USP15: variants seen among roughly 807,000 people sequenced by gnomAD.
USP15 encodes the protein ubiquitin carboxyl-terminal hydrolase 15.
Under a neutral mutation model 127.1 loss-of-function variants are expected in USP15, and 18 were observed. The observed-to-expected ratio is 0.14, with a 90% confidence interval of 0.10 to 0.21. USP15 has a LOEUF of 0.21. Among genes scored for constraint, USP15 ranks in the 10% least tolerant of loss-of-function variants. The probability of loss-of-function intolerance (pLI) is 1.00; values close to 1 mark genes in which losing one functional copy is unlikely to be tolerated. For synonymous variants in USP15, 364 were observed against 393.7 expected, an observed-to-expected ratio of 0.92 and a Z score of 0.89; for missense variants, 805 against 1,159.9, an observed-to-expected ratio of 0.69 and a Z score of 4.44.
chr12:62,334,457 TA>T (rs1045089696), intron 6 of USP15, among the ~76,000 whole-genome samples: 1 of 152,194 alleles, frequency 6.6e-6, no homozygotes, highest in Non-Finnish European at 1.5e-5. Flanking sequence ...TAAATCTACT[TA>T]AACTCTCTTT....
In USP15 at chr12:62,391,334, C is replaced by T; in HGVS notation, c.2138C>T (p.Thr713Ile). The stretch of plus-strand genomic sequence containing the variant: ...ACGGGACACAAAAAACGATTGTTTA[C>T]ATTCCAGTTCAACAACTTAGGCAAT... Reference protein sequence around the residue: ...QLTGHKKRLFTFQFNNLGNTD... With the variant: ...QLTGHKKRLFIFQFNNLGNTD... Residue 713 changes from threonine to isoleucine, a missense_variant, in exon 16 of 22, where the codon ACA becomes ATA. Physicochemically the swap from Thr to Ile is moderately conservative, Grantham distance 89. Around this residue, in one of 11 missense-constraint regions of USP15, gnomAD observed 225 missense variants for 239.5 expected, o/e 0.94. Transcript: ENST00000280377. 1 of 1,613,492 alleles carries T rather than the reference C, an allele frequency of 6.2e-7. No homozygotes were observed. Among genetic ancestry groups the T allele is most frequent in the Non-Finnish European group, 8.5e-7 (1 of 1,179,670 alleles).
intron 1 of USP15, among the ~76,000 whole-genome samples, chr12:62,289,292 T>C (rs1271084669): frequency 6.6e-6 from 1 of 152,104 alleles, no homozygotes; most frequent in Non-Finnish European, 1.5e-5. Flanking sequence ...ATTATTGGTC[T>C]GTTCAGGGCT....
intron 11 of USP15, among the ~76,000 whole-genome samples, chr12:62,386,685 G>A (rs745948421): frequency 2.6e-4 from 39 of 152,018 alleles, no homozygotes; most frequent in Non-Finnish European, 2.7e-4. Context: ...GCTAGATCAC[G>A]AAGAACTTTG....
chr12:62,311,837 C>G (rs2064689701), intron 3 of USP15, among the ~76,000 whole-genome samples: 1 of 151,680 alleles, frequency 6.6e-6, no homozygotes, highest in African/African-American at 2.4e-5. Flanking sequence ...TATTTGGATC[C>G]TGATTCAAAC....
chr12:62,309,635 A>C (rs1344098829), intron 3 of USP15, among the ~76,000 whole-genome samples: 1 of 152,084 alleles, frequency 6.6e-6, no homozygotes, highest in African/African-American at 2.4e-5. Context: ...CTCACTCATG[A>C]ACATAGATGC....
intron 1 of USP15, among the ~76,000 whole-genome samples, chr12:62,286,555 T>TA (rs1239315057): frequency 3.9e-5 from 6 of 152,174 alleles, no homozygotes; most frequent in Admixed American, 1.3e-4. Context: ...AAAAGACACT[T>TA]ACACTCATAT....
At position 62,385,066 on chromosome 12, in the gene USP15, T is replaced by C. The variant is rs115676054; in HGVS notation, c.1473+764T>C. 3.6e-3 allele frequency among the ~76,000 whole-genome samples: 550 copies of C among 152,096 alleles called. 5 individuals are homozygous for C. Among genetic ancestry groups the C allele is most frequent in the African/African-American group, 0.012 (516 of 41,560 alleles). ...TTCTAACACTTAACTAATTTTGTTA[T>C]AACTTTTGGCTTACTTTTATCTTTT... On this transcript the variant is annotated intron_variant, in intron 11 of 21. Transcript: ENST00000280377.
intron 4 of USP15, among the ~76,000 whole-genome samples, chr12:62,320,195 G>T (rs933544341): frequency 6.6e-6 from 1 of 152,204 alleles, no homozygotes; most frequent in Non-Finnish European, 1.5e-5. Context: ...TGGAGGAGGT[G>T]CCTGCTGGGA....
rs1565922055 is a variant in USP15 at position 62,404,456 on chromosome 12, A to G, written c.*81A>G. 2.8e-6 allele frequency: 4 copies of G among 1,425,982 alleles called. No individual in the cohort carries two copies. The highest frequency in any genetic ancestry group is 5.1e-5 in the East Asian group (2 of 39,224). The allele number at this position is 1,425,982 out of a possible 1,614,324, so 88.3% of individuals were successfully genotyped here. A position where few individuals can be genotyped will look rare whatever the true frequency, so the allele number is the denominator to read the frequency against. ...ATGATGAAGTTACCCACCACATTAA[A>G]ACAAAAGTCTGAGATGGGGAGTTTC... On this transcript the variant is annotated 3_prime_UTR_variant, in exon 22 of 22. Coordinates refer to ENST00000280377, the MANE Select transcript of USP15 (RefSeq NM_001252078.2).
chr12:62,363,955 A>G (rs2066396614), intron 8 of USP15, among the ~76,000 whole-genome samples: 1 of 152,126 alleles, frequency 6.6e-6, no homozygotes, highest in South Asian at 2.1e-4. Context: ...GGAGATTATG[A>G]GTTAATTTTA....
At chr12:62,317,338 T>C (rs766083669) in intron 4 of USP15, among the ~76,000 whole-genome samples, 8 of 152,208 alleles carry the variant, frequency 5.3e-5, no homozygotes, top group Non-Finnish European at 1.2e-4. Context: ...CAAGCAGGTA[T>C]CTTCCTCTTA....
chr12:62,369,786 T>C (rs1376627414), intron 8 of USP15, among the ~76,000 whole-genome samples: 3 of 152,216 alleles, frequency 2.0e-5, no homozygotes, highest in Non-Finnish European at 4.4e-5. Flanking sequence ...ACAAAAATGT[T>C]ACTTTTTTAA....
intron 8 of USP15, among the ~76,000 whole-genome samples, chr12:62,363,657 C>A (rs1195637925): frequency 6.6e-6 from 1 of 152,020 alleles, no homozygotes; most frequent in Non-Finnish European, 1.5e-5. Flanking sequence ...TCTTCCCCTA[C>A]TCCCAACACA....
chr12:62,317,649 A>G (rs2064870658), intron 4 of USP15, among the ~76,000 whole-genome samples: 1 of 152,214 alleles, frequency 6.6e-6, no homozygotes, highest in Non-Finnish European at 1.5e-5. Context: ...TAAAATAGCT[A>G]TGTATGTGAA....
chr12:62,336,735 A>G lies in USP15; in HGVS notation c.683+10802A>G, dbSNP rs147238541. 340 of 159,186 alleles carry G rather than the reference A, an allele frequency of 2.1e-3. 2 individuals are homozygous for G. Among genetic ancestry groups the G allele is most frequent in the African/African-American group, 8.0e-3 (335 of 41,700 alleles). 9.9% of individuals were successfully genotyped at this position (159,186 alleles called of 1,614,324 possible). On this transcript the variant is annotated intron_variant, in intron 6 of 21. Transcript: ENST00000280377. ...AAATTTCTTTACTATCTGACTGAAT[A>G]GAGGACAGCTAAATTCTTGTATATT... is the stretch of plus-strand genomic sequence containing the variant.
chr12:62,273,971 A>G (rs2063409098), intron 1 of USP15, among the ~76,000 whole-genome samples: 1 of 152,110 alleles, frequency 6.6e-6, no homozygotes, highest in African/African-American at 2.4e-5. Context: ...TCTCACTTTT[A>G]AAAGTGAACT....
At chr12:62,295,252 A>G (rs919339917) in intron 2 of USP15, among the ~76,000 whole-genome samples, 4 of 152,188 alleles carry the variant, frequency 2.6e-5, no homozygotes, top group African/African-American at 9.7e-5. Flanking sequence ...CATCGAGGCT[A>G]ATATAGGATT....
chr12:62,396,232 G>A, intron 19 of USP15, 63 bp from the exon 20 acceptor site: 10 of 1,312,690 alleles, frequency 7.6e-6, no homozygotes, highest in Non-Finnish European at 1.0e-5. Context: ...AATGGCAGAA[G>A]GGAATAGAAT....
intron 6 of USP15, among the ~76,000 whole-genome samples, chr12:62,346,379 CT>C (rs1254517238): frequency 6.6e-6 from 1 of 152,144 alleles, no homozygotes; most frequent in Non-Finnish European, 1.5e-5. Context: ...TCCACCATTG[CT>C]TTTGCACTAT....
Sources: allele counts gnomAD v4.1 joint callset (sites outside exome capture counted in the v4.1 genomes callset), GRCh38; gene constraint gnomAD v4.1.1; regional missense constraint gnomAD v4.1.1; transcripts MANE v1.5; gene names NCBI Gene and HGNC (gene_info 2026-07-23, HGNC 2026-07-21).